The following SHANK2 variants were observed in gnomAD, a reference collection of about 807,000 sequenced individuals.
The protein encoded by SHANK2 is SH3 and multiple ankyrin repeat domains protein 2.
A neutral mutation model predicts 133.7 loss-of-function variants in SHANK2; 43 were observed. The ratio of observed to expected loss-of-function variants is 0.32; its 90% CI spans 0.25 to 0.41. The LOEUF (loss-of-function observed/expected upper bound fraction) is 0.41. Among genes scored for constraint, SHANK2 ranks in the 10% least tolerant of loss-of-function variants. The pLI, the probability that SHANK2 is intolerant of heterozygous loss-of-function variation, is 1.00. For missense variants in SHANK2, 1,994 were observed against 2,235.8 expected, an observed-to-expected ratio of 0.89 and a Z score of 2.18; for synonymous variants, 1,017 against 952.8, an observed-to-expected ratio of 1.07 and a Z score of -1.24.
intron 17 of SHANK2, among the ~76,000 whole-genome samples, chr11:70,529,994 G>A (rs2059447375): frequency 6.6e-6 from 1 of 152,178 alleles, no homozygotes; most frequent in Non-Finnish European, 1.5e-5. Context: ...CTGCTATGAA[G>A]ACAGTATGGC....
chr11:70,707,392 A>AT (rs1945686242), intron 14 of SHANK2, among the ~76,000 whole-genome samples: 1 of 150,116 alleles, frequency 6.7e-6, no homozygotes, highest in African/African-American at 2.5e-5. Flanking sequence ...AAAAAAAAAA[A>AT]AAAAAGAGAG....
intron 2 of SHANK2, among the ~76,000 whole-genome samples, chr11:71,203,523 T>C (rs898115518): frequency 6.6e-6 from 1 of 151,870 alleles, no homozygotes; most frequent in Non-Finnish European, 1.5e-5. Flanking sequence ...TTGCTTGAAC[T>C]GGGGAGGCAG....
chr11:70,848,947 G>A (rs1160382501), intron 11 of SHANK2, among the ~76,000 whole-genome samples: 1 of 152,328 alleles, frequency 6.6e-6, no homozygotes, highest in East Asian at 1.9e-4. Flanking sequence ...CTGGGCCTCT[G>A]AGTGGGTGAA....
chr11:70,859,871 G>C lies in SHANK2; in HGVS notation c.1174+36630C>G, dbSNP rs973408608. 2.0e-5 allele frequency among the ~76,000 whole-genome samples: 3 copies of C among 152,132 alleles called. No individual in the cohort carries two copies. In the East Asian group the frequency reaches 5.8e-4, roughly 29 times the overall value. ...CACGAGGACAGATGACCAGACTCTG[G>C]AGCACCGCACCTCCAGGGACAGTCA... On this transcript the variant is annotated intron_variant, in intron 11 of 25. Coordinates refer to ENST00000601538, the MANE Select transcript of SHANK2 (RefSeq NM_012309.5).
intron 17 of SHANK2, among the ~76,000 whole-genome samples, chr11:70,561,978 A>T (rs1365421598): frequency 6.6e-6 from 1 of 152,162 alleles, no homozygotes; most frequent in East Asian, 1.9e-4. Flanking sequence ...CATTCCACAC[A>T]TTTTGATATG....
chr11:71,113,766 T>C (rs1951930163), intron 4 of SHANK2, among the ~76,000 whole-genome samples: 1 of 152,200 alleles, frequency 6.6e-6, no homozygotes, highest in Non-Finnish European at 1.5e-5. Context: ...GTTTTTCTCC[T>C]ACATTGTCCA....
chr11:70,742,259 C>T (rs1334195603), intron 14 of SHANK2, among the ~76,000 whole-genome samples: 1 of 152,166 alleles, frequency 6.6e-6, no homozygotes, highest in Admixed American at 6.5e-5. Flanking sequence ...CAATCTCCTA[C>T]TCATCCTTCA....
chr11:71,057,206 C>A lies in SHANK2; in HGVS notation c.1030-648G>T, dbSNP rs947350010. Among the ~76,000 whole-genome samples the A allele has an allele frequency of 1.4e-4, 21 of 152,162 alleles. 1 individual carries two copies. In the South Asian group the frequency reaches 4.2e-3, roughly 30 times the overall value. ...AAAATTAGCCGGGCATGGAGGCATG[C>A]GCCTGTAATCCCAGCTACTCAGGAG... On this transcript the variant is annotated intron_variant, in intron 9 of 25. Transcript: ENST00000601538.
chr11:70,716,467 C>T (rs556557473), intron 14 of SHANK2, among the ~76,000 whole-genome samples: 29 of 152,320 alleles, frequency 1.9e-4, no homozygotes, highest in Admixed American at 5.2e-4. Context: ...CCGCCCTGAT[C>T]GTGTGGGAAG....
intron 2 of SHANK2, among the ~76,000 whole-genome samples, chr11:71,192,869 C>T (rs903829200): frequency 2.6e-4 from 40 of 152,244 alleles, no homozygotes; most frequent in African/African-American, 8.4e-4. Context: ...TTAATTGCAT[C>T]GCAGGCAGGG....
chr11:70,574,348 A>C (rs574939115), intron 17 of SHANK2, among the ~76,000 whole-genome samples: 1 of 152,234 alleles, frequency 6.6e-6, no homozygotes, highest in South Asian at 2.1e-4. Context: ...CACCTTCCCC[A>C]CTGGGAGAGG....
chr11:70,837,276 C>T (rs1555060292), intron 11 of SHANK2, among the ~76,000 whole-genome samples: 1 of 152,198 alleles, frequency 6.6e-6, no homozygotes, highest in Non-Finnish European at 1.5e-5. Context: ...GTCTCTGCTG[C>T]TCCTGCTCCT....
intron 14 of SHANK2, among the ~76,000 whole-genome samples, chr11:70,769,784 T>C (rs1380057464): frequency 6.6e-6 from 1 of 152,136 alleles, no homozygotes; most frequent in African/African-American, 2.4e-5. Flanking sequence ...GGCATGTGTG[T>C]CTGTGTGCAG....
chr11:70,867,147 G>A (rs1403361252), intron 11 of SHANK2, among the ~76,000 whole-genome samples: 3 of 151,312 alleles, frequency 2.0e-5, no homozygotes, highest in Non-Finnish European at 2.9e-5. Context: ...GAGAGAGAAT[G>A]AGGTCCCTTG....
chr11:70,802,067 G>A (rs140065197), intron 13 of SHANK2, among the ~76,000 whole-genome samples: 3 of 152,194 alleles, frequency 2.0e-5, no homozygotes, highest in Non-Finnish European at 4.4e-5. Flanking sequence ...ATGGTGGGTA[G>A]AGAGCAGGTG....
At chr11:70,572,818 G>A (rs1220456971) in intron 17 of SHANK2, among the ~76,000 whole-genome samples, 1 of 152,204 alleles carries the variant, frequency 6.6e-6, no homozygotes, top group East Asian at 1.9e-4. Flanking sequence ...AAGATGGTGA[G>A]GCTGCTTTGG....
At chr11:70,836,569 C>T (rs1948821102) in intron 11 of SHANK2, among the ~76,000 whole-genome samples, 2 of 152,236 alleles carry the variant, frequency 1.3e-5, no homozygotes, top group Admixed American at 6.5e-5. Context: ...AGGGCCCTGC[C>T]TGCCTCCATC....
intron 17 of SHANK2, among the ~76,000 whole-genome samples, chr11:70,644,897 G>A (rs1591696949): frequency 6.6e-6 from 1 of 152,206 alleles, no homozygotes; most frequent in Non-Finnish European, 1.5e-5. Context: ...AGCCTGGCAG[G>A]GACTATGAAC....
chr11:71,213,564 A>G (rs1223421294), intron 2 of SHANK2, among the ~76,000 whole-genome samples: 4 of 152,120 alleles, frequency 2.6e-5, no homozygotes, highest in Admixed American at 2.6e-4. Context: ...GTTTTTAATC[A>G]CTGCACGAGC....
Sources: gnomAD v4.1 joint callset for allele counts (sites outside exome capture counted in the v4.1 genomes callset) on GRCh38, gnomAD v4.1.1 for gene constraint, MANE v1.5 for transcripts, NCBI Gene and HGNC (gene_info 2026-07-23, HGNC 2026-07-21) for gene names.